The following ZNF804A variants were observed in gnomAD, a reference collection of about 807,000 sequenced individuals.
ZNF804A encodes the protein zinc finger protein 804A.
A neutral mutation model predicts 16.5 loss-of-function variants in ZNF804A; 2 were observed. That is an observed-to-expected ratio of 0.12 (90% confidence interval 0.05 to 0.38). The LOEUF is 0.38. Ranked by LOEUF, ZNF804A falls within the 10% of genes least tolerant of loss-of-function variation. The pLI, the probability that ZNF804A is intolerant of heterozygous loss-of-function variation, is 0.99. For missense variants in ZNF804A, 1,473 were observed against 1,390.7 expected (o/e 1.06, Z -0.94); for synonymous variants, 534 against 489.6 (o/e 1.09, Z -1.20).
chr2:184,924,036 T>A (rs569008153), intron 2 of ZNF804A, among the ~76,000 whole-genome samples: 1 of 150,842 alleles, frequency 6.6e-6, no homozygotes, highest in African/African-American at 2.4e-5. Context: ...TGTGTGTGTA[T>A]GTTTTCAGTG....
chr2:184,786,981 T>TA (rs1409584059), intron 1 of ZNF804A, among the ~76,000 whole-genome samples: 1 of 151,894 alleles, frequency 6.6e-6, no homozygotes, highest in African/African-American at 2.4e-5. Flanking sequence ...ACTTTTTTTT[T>TA]ATTCATGAGG....
intron 1 of ZNF804A, among the ~76,000 whole-genome samples, chr2:184,829,462 T>G (rs751333577): frequency 9.9e-5 from 15 of 151,976 alleles, no homozygotes; most frequent in Admixed American, 2.0e-4. Context: ...AAGCAATGTA[T>G]TCTGTATATG....
chr2:184,771,292 T>C (rs1248351820), intron 1 of ZNF804A, among the ~76,000 whole-genome samples: 24 of 152,008 alleles, frequency 1.6e-4, no homozygotes, highest in Admixed American at 1.5e-3. Context: ...CAGCAATGTA[T>C]AGCTGCATAA....
intron 1 of ZNF804A, among the ~76,000 whole-genome samples, chr2:184,791,077 G>A (rs529807725): frequency 2.6e-5 from 4 of 152,072 alleles, no homozygotes; most frequent in South Asian, 2.1e-4. Context: ...TTAGCCAGTA[G>A]GTGGGTCTCT....
chr2:184,866,954 G>C (rs1358717942), intron 2 of ZNF804A, among the ~76,000 whole-genome samples: 1 of 150,976 alleles, frequency 6.6e-6, no homozygotes, highest in Non-Finnish European at 1.5e-5. Flanking sequence ...TCCATAGAAA[G>C]CATTTTGGAT....
At chr2:184,863,338 C>G (rs768626166) in intron 1 of ZNF804A, among the ~76,000 whole-genome samples, 2 of 152,088 alleles carry the variant, frequency 1.3e-5, no homozygotes, top group Non-Finnish European at 2.9e-5. Context: ...GTTAATACAT[C>G]CAAATTATTC....
chr2:184,697,064 T>C (rs1295426431), intron 1 of ZNF804A, among the ~76,000 whole-genome samples: 1 of 151,992 alleles, frequency 6.6e-6, no homozygotes, highest in East Asian at 1.9e-4. Context: ...TGATTACTCT[T>C]TACAGTGAAC....
chr2:184,601,883 A>G (rs1691055114), intron 1 of ZNF804A, among the ~76,000 whole-genome samples: 1 of 151,962 alleles, frequency 6.6e-6, no homozygotes, highest in Non-Finnish European at 1.5e-5. Flanking sequence ...TTAAAATTCA[A>G]ATTTAGAAAA....
At chr2:184,872,338 C>T (rs1222719598) in intron 2 of ZNF804A, among the ~76,000 whole-genome samples, 1 of 151,940 alleles carries the variant, frequency 6.6e-6, no homozygotes, top group African/African-American at 2.4e-5. Context: ...GGTCGTAGAG[C>T]AAAAACAAAT....
chr2:184,743,969 T>C (rs1693744815), intron 1 of ZNF804A, among the ~76,000 whole-genome samples: 1 of 152,000 alleles, frequency 6.6e-6, no homozygotes, highest in African/African-American at 2.4e-5. Context: ...GTCATCATTA[T>C]ATTGACATCT....
intron 1 of ZNF804A, among the ~76,000 whole-genome samples, chr2:184,738,072 G>A (rs1693657878): frequency 6.6e-6 from 1 of 150,608 alleles, no homozygotes; most frequent in Non-Finnish European, 1.5e-5. Flanking sequence ...GGTGCAGTGA[G>A]CCGAGATCAT....
chr2:184,771,593 T>A (rs1057307349), intron 1 of ZNF804A, among the ~76,000 whole-genome samples: 4 of 150,308 alleles, frequency 2.7e-5, no homozygotes, highest in Admixed American at 6.6e-5. Context: ...TACAAAATTT[T>A]AAAATAAAAA....
At chr2:184,912,193 T>G (rs1184975605) in intron 2 of ZNF804A, among the ~76,000 whole-genome samples, 1 of 152,098 alleles carries the variant, frequency 6.6e-6, no homozygotes, top group African/African-American at 2.4e-5. Flanking sequence ...ATAATTTTTC[T>G]GTCTCTATTG....
chr2:184,725,049 G>A (rs76082505), intron 1 of ZNF804A, among the ~76,000 whole-genome samples: 6,292 of 151,654 alleles, frequency 0.041, 425 homozygotes, highest in African/African-American at 0.14. Flanking sequence ...TGAGAATTAA[G>A]GCTTTCACTA....
intron 1 of ZNF804A, among the ~76,000 whole-genome samples, chr2:184,657,455 A>G (rs1349095360): frequency 6.6e-6 from 1 of 152,134 alleles, no homozygotes; most frequent in African/African-American, 2.4e-5. Flanking sequence ...CTCTTAGTAG[A>G]CTTTGCCCTA....
At chr2:184,901,104 A>T (rs1335350887) in intron 2 of ZNF804A, among the ~76,000 whole-genome samples, 1 of 152,186 alleles carries the variant, frequency 6.6e-6, no homozygotes, top group African/African-American at 2.4e-5. Flanking sequence ...GTATCCATAC[A>T]TCCTACACTG....
At chr2:184,708,953 T>C (rs1693081013) in intron 1 of ZNF804A, among the ~76,000 whole-genome samples, 1 of 152,188 alleles carries the variant, frequency 6.6e-6, no homozygotes, top group East Asian at 1.9e-4. Context: ...GAAACTCCAT[T>C]GAGCCTCCAC....
chr2:184,758,499 G>T (rs943532940), intron 1 of ZNF804A, among the ~76,000 whole-genome samples: 2 of 151,796 alleles, frequency 1.3e-5, no homozygotes, highest in Non-Finnish European at 2.9e-5. Context: ...AGTTCCCAAG[G>T]TTACTCAATT....
chr2:184,931,174 A>G (rs1406798100), intron 2 of ZNF804A, among the ~76,000 whole-genome samples: 1 of 152,210 alleles, frequency 6.6e-6, no homozygotes, highest in African/African-American at 2.4e-5. Flanking sequence ...GGCACATGGT[A>G]TAAGCTGTTG....
Sources: allele counts gnomAD v4.1 joint callset (sites outside exome capture counted in the v4.1 genomes callset), GRCh38; gene constraint gnomAD v4.1.1; transcripts MANE v1.5; gene names NCBI Gene and HGNC (gene_info 2026-07-23, HGNC 2026-07-21).